The following TBC1D8B variants were observed in gnomAD, a reference collection of about 807,000 sequenced individuals.
TBC1D8B encodes TBC1 domain family member 8B, also known as RP11-321G1.1.
A neutral mutation model predicts 82.9 loss-of-function variants in TBC1D8B; 75 were observed. The observed-to-expected ratio is 0.90, with a 90% CI of 0.75 to 1.10. TBC1D8B has a LOEUF of 1.10. TBC1D8B is among the 50% of genes least tolerant of loss of function. TBC1D8B has a pLI of 0.00. For synonymous variants in TBC1D8B, 276 were observed against 276.8 expected (o/e 1.00, Z 0.03); for missense variants, 794 against 796.9 (o/e 1.00, Z 0.04).
chrX:106,809,155 C>A (rs1011188516), intron 1 of TBC1D8B, among the ~76,000 whole-genome samples: 3 of 111,528 alleles, frequency 2.7e-5, no homozygotes, highest in African/African-American at 9.8e-5. Context: ...TGATGGTATA[C>A]AATGCTTTAA....
chrX:106,834,396 G>C (rs901849854), intron 7 of TBC1D8B, among the ~76,000 whole-genome samples: 1 of 111,144 alleles, frequency 9.0e-6, no homozygotes, highest in Non-Finnish European at 1.9e-5. Context: ...TCCTGCCCTT[G>C]ACACGTGGGG....
At chrX:106,818,367 A>G (rs1462448627) in intron 1 of TBC1D8B, 1 of 177,209 alleles carries the variant, frequency 5.6e-6, no homozygotes, top group Non-Finnish European at 1.0e-5. Context: ...CTTATCTAAT[A>G]TACATACAAC....
chrX:106,814,695 T>G (rs1238627629), intron 1 of TBC1D8B: 3 of 110,500 alleles, frequency 2.7e-5, no homozygotes, highest in Non-Finnish European at 1.9e-5. Context: ...CTCCACATCC[T>G]CTCCAGCACC....
At chrX:106,823,145 CTA>C in intron 4 of TBC1D8B, 79 bp from the exon 5 acceptor site, 1 of 1,007,627 alleles carries the variant, frequency 9.9e-7, no homozygotes, top group Non-Finnish European at 1.3e-6. Context: ...AAGGGATTAA[CTA>C]TTGTTTCAGA....
rs1299703209 is a variant in TBC1D8B, at chrX:106,875,723, A to G, written c.*1758A>G. The G allele has an allele frequency of 1.8e-5, 2 of 112,104 alleles. No individual in the cohort carries two copies. The highest frequency in any genetic ancestry group is 6.5e-5 in the African/African-American group (2 of 30,887). 9.2% of individuals were successfully genotyped at this position (112,104 alleles called of 1,213,427 possible). A position where few individuals can be genotyped will look rare whatever the true frequency, so the allele number is the denominator to read the frequency against. On this transcript the variant is annotated 3_prime_UTR_variant, in exon 21 of 21. Transcript: ENST00000357242. ...GAAAGACACATGTATACAAGGCACT[A>G]TTGTACACACTTTGCTGAATATTTT...
At chrX:106,816,193 G>C (rs1468650901) in intron 1 of TBC1D8B, among the ~76,000 whole-genome samples, 1 of 111,652 alleles carries the variant, frequency 9.0e-6, no homozygotes, top group African/African-American at 3.3e-5. Context: ...TCCTTAAGCT[G>C]ATAAGCAACT....
At chrX:106,830,063 T>C (rs1189907548) in intron 7 of TBC1D8B, 2 of 111,368 alleles carry the variant, frequency 1.8e-5, no homozygotes, top group Admixed American at 9.5e-5. Context: ...AGGGCTAATA[T>C]CCAGAATCTA....
chrX:106,804,378 A>C (rs1370205999), intron 1 of TBC1D8B, among the ~76,000 whole-genome samples: 1 of 112,029 alleles, frequency 8.9e-6, no homozygotes, highest in African/African-American at 3.2e-5. Context: ...AATCTTATCC[A>C]GCTTCTAAAA....
Position 106,873,937 on chromosome X carries a change from C to A in TBC1D8B, c.3335C>A (p.Ser1112Tyr). The A allele has an allele frequency of 8.3e-7, 1 of 1,200,533 alleles. No individual in the cohort carries two copies. Among genetic ancestry groups the A allele is most frequent in the Non-Finnish European group, 1.1e-6 (1 of 890,994 alleles). ...GCCAAGCTGGAAAATGCAAGAATTT[C>A]TCAGTTAAGGTCTAGAACCAAGATG... Reference protein sequence around the residue: ...VKAKLENARISQLRSRTKM With the variant: ...VKAKLENARIYQLRSRTKM The change falls in exon 21 of 21, where the codon TCT becomes TAT. Residue 1112 changes from serine to tyrosine, a missense_variant. Transcript: ENST00000357242.
intron 19 of TBC1D8B, 109 bp from the exon 20 acceptor site, chrX:106,870,607 G>C: frequency 2.2e-6 from 1 of 464,364 alleles, no homozygotes; most frequent in Non-Finnish European, 3.7e-6. Context: ...TTAAAAAAAT[G>C]GGATCTTATA....
chrX:106,868,796 G>A (rs1932829746), intron 18 of TBC1D8B, among the ~76,000 whole-genome samples: 1 of 111,803 alleles, frequency 8.9e-6, no homozygotes, highest in African/African-American at 3.2e-5. Context: ...GATGATTAAA[G>A]GCCATAGCTA....
At chrX:106,864,319 A>G (rs1433340900) in intron 14 of TBC1D8B, among the ~76,000 whole-genome samples, 2 of 109,771 alleles carry the variant, frequency 1.8e-5, no homozygotes, top group East Asian at 5.7e-4. Context: ...TTGATGCCAG[A>G]TAGGCTGCTG....
chrX:106,866,446 A>G (rs1192560999), intron 16 of TBC1D8B, among the ~76,000 whole-genome samples: 1 of 111,684 alleles, frequency 9.0e-6, no homozygotes, highest in Non-Finnish European at 1.9e-5. Flanking sequence ...GATATTGTTC[A>G]TTTGCTTTTC....
At chrX:106,811,191 TC>T (rs1264074458) in intron 1 of TBC1D8B, among the ~76,000 whole-genome samples, 2 of 110,847 alleles carry the variant, frequency 1.8e-5, no homozygotes, top group Non-Finnish European at 3.8e-5. Flanking sequence ...TGCCCCTTTT[TC>T]CCCCTCCCTT....
At chrX:106,869,200 T>C (rs1333003035) in intron 18 of TBC1D8B, among the ~76,000 whole-genome samples, 1 of 111,827 alleles carries the variant, frequency 8.9e-6, no homozygotes, top group African/African-American at 3.3e-5. Context: ...TAATATAACT[T>C]TATTTAAAGA....
At position 106,872,455 on chromosome X, in the gene TBC1D8B, TTATATATATATATATA is replaced by T. The variant is rs61326496; in HGVS notation, c.2968-1097_2968-1082del. On this transcript the variant is annotated intron_variant, in intron 20 of 20. Coordinates refer to ENST00000357242, the MANE Select transcript of TBC1D8B (RefSeq NM_017752.3). ...GTGAACTAGGAACCCAGAAAAATAT[TTATATATATATATATA>T]TATATATATATATATATGGAATTCA... Among the ~76,000 whole-genome samples, 143 of 73,292 alleles carry T rather than the reference TTATATATATATATATA, an allele frequency of 2.0e-3. 1 individual carries two copies. The highest frequency in any genetic ancestry group is 8.2e-3 in the African/African-American group (136 of 16,517). 63.6% of individuals were successfully genotyped at this position (73,292 alleles called of 115,157 possible). A position where few individuals can be genotyped will look rare whatever the true frequency, so the allele number is the denominator to read the frequency against.
intron 1 of TBC1D8B, 121 bp from the exon 2 acceptor site, chrX:106,818,542 G>GT (rs1250217259): frequency 2.4e-6 from 1 of 418,582 alleles, no homozygotes; most frequent in Non-Finnish European, 3.8e-6. Flanking sequence ...AAAAATCTCT[G>GT]TAAGGACTCT....
At position 106,854,283 on chromosome X, in the gene TBC1D8B, C is replaced by G; in HGVS notation, c.2339C>G (p.Thr780Arg). ...LYVIQTLEET[T>R]KQNVLRVVSQ... ...GTGATACAGACCCTAGAGGAAACAA[C>G]AAAACAGAATGTGGTAAGTATGCAA... is the stretch of plus-strand genomic sequence containing the variant. Residue 780 changes from threonine to arginine, a missense_variant, in exon 14 of 21, where the codon ACA becomes AGA. By Grantham distance (71) the Thr-to-Arg change is moderately conservative. Coordinates refer to ENST00000357242, the MANE Select transcript of TBC1D8B (RefSeq NM_017752.3). 1 of 1,175,111 alleles carries G rather than the reference C, an allele frequency of 8.5e-7. No individual in the cohort carries two copies. Among genetic ancestry groups the G allele is most frequent in the Non-Finnish European group, 1.1e-6 (1 of 877,853 alleles).
At chrX:106,813,363 A>G (rs1454223043) in intron 1 of TBC1D8B, among the ~76,000 whole-genome samples, 4 of 112,027 alleles carry the variant, frequency 3.6e-5, no homozygotes, top group Admixed American at 9.5e-5. Context: ...CTAGAAATGT[A>G]GTCTAGCACT....
Sources: allele counts gnomAD v4.1 joint callset (sites outside exome capture counted in the v4.1 genomes callset), GRCh38; gene constraint gnomAD v4.1.1; transcripts MANE v1.5; gene names NCBI Gene and HGNC (gene_info 2026-07-23, HGNC 2026-07-21).